WDR38: variants seen among roughly 807,000 people sequenced by gnomAD.
The protein encoded by WDR38 is WD repeat domain 38.
WDR38 carries 37 observed loss-of-function variants against 36.6 expected under a neutral mutation model. The ratio of observed to expected loss-of-function variants is 1.01; its 90% CI spans 0.78 to 1.33. The LOEUF is 1.33. WDR38 is among the 40% of genes most tolerant of loss of function. WDR38 has a pLI of 0.00. For missense variants in WDR38, 411 were observed against 414.6 expected, an observed-to-expected ratio of 0.99 and a Z score of 0.07; for synonymous variants, 164 against 168.1, an observed-to-expected ratio of 0.98 and a Z score of 0.19.
chr9:124,854,395 T>C, intron 2 of WDR38, 70 bp downstream of exon 2: 1 of 1,597,446 alleles, frequency 6.3e-7, no homozygotes, highest in South Asian at 1.1e-5. Context: ...CTGACTGCAG[T>C]GACCTCCGAT....
chr9:124,853,735 C>A, intron 1 of WDR38, 135 bp downstream of exon 1: 1 of 677,544 alleles, frequency 1.5e-6, no homozygotes, highest in Non-Finnish European at 2.1e-6. Context: ...TTTGCTAACC[C>A]AAGAAGGATC....
chr9:124,855,982 C>T (rs1272982695), intron 4 of WDR38, 24 bp downstream of exon 4: 1 of 1,613,522 alleles, frequency 6.2e-7, no homozygotes, highest in Admixed American at 1.7e-5. Flanking sequence ...CTGGGGCCAC[C>T]AGTCTGGGAT....
chr9:124,856,466 C>T lies in WDR38; in HGVS notation c.487-3C>T. The T allele has an allele frequency of 1.2e-6, 2 of 1,611,814 alleles. No individual in the cohort carries two copies. The highest frequency in any genetic ancestry group is 1.1e-5 in the South Asian group (1 of 90,836). On this transcript the variant is annotated splice_polypyrimidine_tract_variant and splice_region_variant and intron_variant, in intron 5 of 8. Coordinates refer to ENST00000373574, the MANE Select transcript of WDR38 (RefSeq NM_001045476.3). ...GGGCCAGACTCACAGAAGCTGCCTG[C>T]AGGCCACCGGCTCCTGGGACTCCAC...
chr9:124,853,692 G>C (rs1192778609), intron 1 of WDR38, 92 bp downstream of exon 1: 1 of 1,024,300 alleles, frequency 9.8e-7, no homozygotes, highest in East Asian at 3.2e-5. Context: ...TGTTCTCTGG[G>C]CAGTGGCTCA....
chr9:124,857,752 C>T lies in WDR38; in HGVS notation c.*122C>T. 1 of 1,511,858 alleles carries T rather than the reference C, an allele frequency of 6.6e-7. No individual in the cohort carries two copies. Among genetic ancestry groups the T allele is most frequent in the Non-Finnish European group, 8.9e-7 (1 of 1,118,058 alleles). The allele number at this position is 1,511,858 out of a possible 1,614,324, so 93.7% of individuals were successfully genotyped here. On this transcript the variant is annotated 3_prime_UTR_variant, in exon 9 of 9. Transcript: ENST00000373574. ...ATCCAGCAGATCCCCATGGCCAGGA[C>T]TCTCCAGGCCCCACCAGAGCAGACA...
chr9:124,856,921 C>T, intron 7 of WDR38, 40 bp downstream of exon 7: 1 of 1,610,400 alleles, frequency 6.2e-7, no homozygotes. Flanking sequence ...CCTACCCATC[C>T]TCACCCCACC....
chr9:124,857,219 T>C, intron 7 of WDR38, 145 bp from the exon 8 acceptor site: 1 of 1,093,982 alleles, frequency 9.1e-7, no homozygotes. Context: ...CCCAGCACTT[T>C]GGGAGGTGGA....
At chr9:124,854,533 T>C (rs375430619) in intron 2 of WDR38, among the ~76,000 whole-genome samples, 4 of 144,378 alleles carry the variant, frequency 2.8e-5, no homozygotes, top group African/African-American at 1.0e-4. Context: ...CACACACACA[T>C]ACATACAAAA....
intron 7 of WDR38, 136 bp from the exon 8 acceptor site, chr9:124,857,228 G>A: frequency 2.6e-6 from 3 of 1,169,456 alleles, no homozygotes; most frequent in Admixed American, 3.6e-5. Context: ...TTGGGAGGTG[G>A]AGGTAGGTGA....
chr9:124,854,553 A>G (rs1174177473), intron 2 of WDR38, among the ~76,000 whole-genome samples: 2 of 152,110 alleles, frequency 1.3e-5, no homozygotes, highest in Non-Finnish European at 2.9e-5. Flanking sequence ...AACAACTGTA[A>G]TGTAACACAG....
Position 124,857,501 on chromosome 9 carries a change from G to C in WDR38, c.817-1G>C. ...CGAGCCCCACCTTCTACTCTTAGCA[G>C]GGAGTCCTGGATGTGGCCCACACCT... is the stretch of plus-strand genomic sequence containing the variant. On this transcript the variant is annotated splice_acceptor_variant, in intron 8 of 8. Transcript: ENST00000373574. LOFTEE classifies it high-confidence loss of function. The C allele has an allele frequency of 6.2e-7, 1 of 1,614,176 alleles. No individual in the cohort carries two copies. The highest frequency in any genetic ancestry group is 8.5e-7 in the Non-Finnish European group (1 of 1,180,032).
Position 124,855,688 on chromosome 9 carries a change from C to T in WDR38, c.245C>T (p.Ser82Phe). 1.9e-6 allele frequency: 3 copies of T among 1,613,288 alleles called. No homozygotes were observed. The highest frequency in any genetic ancestry group is 2.5e-6 in the Non-Finnish European group (3 of 1,180,042). The change falls in exon 3 of 9, where the codon TCC (serine) becomes TTC (phenylalanine). Residue 82 changes from serine to phenylalanine, a missense_variant. Transcript: ENST00000373574. ...GATGGCCACCTCTTCGCCAGCGCCT[C>T]CTGTGACTGCACTGTCCGCCTGTGG... ...SPDGHLFASA[S>F]CDCTVRLWDV...
chr9:124,856,160 G>C (rs932617528), intron 4 of WDR38, 80 bp from the exon 5 acceptor site: 29 of 1,593,232 alleles, frequency 1.8e-5, no homozygotes, highest in Non-Finnish European at 2.3e-5. Context: ...CTTTTTGCAC[G>C]AGGTCCCCCT....
intron 2 of WDR38, among the ~76,000 whole-genome samples, chr9:124,855,116 T>A (rs1829013192): frequency 1.3e-5 from 2 of 152,206 alleles, no homozygotes; most frequent in Admixed American, 6.6e-5. Flanking sequence ...TCACTTAGCA[T>A]GATGTACTTA....
In WDR38 at chr9:124,855,649, G is replaced by A. The variant is rs1385809679; in HGVS notation, c.206G>A (p.Cys69Tyr). 2 of 1,610,946 alleles carry A rather than the reference G, an allele frequency of 1.2e-6. No individual in the cohort carries two copies. The highest frequency in any genetic ancestry group is 1.7e-5 in the Admixed American group (1 of 60,004). The change falls in exon 3 of 9, where the codon TGC becomes TAC. Residue 69 changes from cysteine (C) to tyrosine (Y), a missense_variant. Cys to Tyr is a radical substitution (Grantham distance 194). Transcript: ENST00000373574. Reference protein sequence around the residue: ...LGGHTGPVKFCRFSPDGHLFA... With the variant: ...LGGHTGPVKFYRFSPDGHLFA... ...ACCCGCCCAGGCCCCGTGAAGTTCTGCCGCTTCTCCCCTGATGGCCACCTC... is the reference window on the plus strand; with the variant it reads ...ACCCGCCCAGGCCCCGTGAAGTTCTACCGCTTCTCCCCTGATGGCCACCTC...
At chr9:124,856,093 GC>G in intron 4 of WDR38, 135 bp downstream of exon 4, 1 of 1,513,070 alleles carries the variant, frequency 6.6e-7, no homozygotes, top group Non-Finnish European at 9.0e-7. Flanking sequence ...AACCAAGGCT[GC>G]CCCCACCTGG....
chr9:124,855,483 G>A (rs1050666328), intron 2 of WDR38, 151 bp from the exon 3 acceptor site: 2 of 780,792 alleles, frequency 2.6e-6, no homozygotes, highest in Admixed American at 2.4e-5. Context: ...GCCCAGCCCA[G>A]GCCAAGGCAT....
chr9:124,855,113 G>C (rs1224309484), intron 2 of WDR38, among the ~76,000 whole-genome samples: 1 of 152,110 alleles, frequency 6.6e-6, no homozygotes. Flanking sequence ...ATTTCACTTA[G>C]CATGATGTAC....
In WDR38 at chr9:124,857,497, A is replaced by C; in HGVS notation, c.817-5A>C. ...GCCTCGAGCCCCACCTTCTACTCTT[A>C]GCAGGGAGTCCTGGATGTGGCCCAC... On this transcript the variant is annotated splice_polypyrimidine_tract_variant and splice_region_variant and intron_variant, in intron 8 of 8. Coordinates refer to ENST00000373574, the MANE Select transcript of WDR38 (RefSeq NM_001045476.3). 1 of 1,614,160 alleles carries C rather than the reference A, an allele frequency of 6.2e-7. No homozygotes were observed.
Sources: allele counts gnomAD v4.1 joint callset (sites outside exome capture counted in the v4.1 genomes callset), GRCh38; gene constraint gnomAD v4.1.1; transcripts MANE v1.5; gene names NCBI Gene and HGNC (gene_info 2026-07-23, HGNC 2026-07-21).